Variants in PPP2R2A observed in about 807,000 individuals in gnomAD.
The protein encoded by PPP2R2A is serine/threonine-protein phosphatase 2A 55 kDa regulatory subunit B alpha isoform.
In PPP2R2A, 9 loss-of-function variants were observed where a neutral mutation model predicts 53.2. That is an observed-to-expected ratio of 0.17 (90% CI 0.10 to 0.30). PPP2R2A has a LOEUF of 0.30. Among genes scored for constraint, PPP2R2A ranks in the 10% least tolerant of loss-of-function variants. The pLI, the probability that PPP2R2A is intolerant of heterozygous loss-of-function variation, is 1.00. For missense variants in PPP2R2A, 235 were observed against 534.6 expected (o/e 0.44, Z 5.53); for synonymous variants, 169 against 174.2 (o/e 0.97, Z 0.23).
chr8:26,345,604 A>G (rs1261168285), intron 3 of PPP2R2A, among the ~76,000 whole-genome samples: 1 of 152,184 alleles, frequency 6.6e-6, no homozygotes, highest in African/African-American at 2.4e-5. Context: ...ATGACATGAC[A>G]TAATTATGTT....
chr8:26,312,680 A>T (rs968063221), intron 2 of PPP2R2A, among the ~76,000 whole-genome samples: 1 of 152,168 alleles, frequency 6.6e-6, no homozygotes, highest in Non-Finnish European at 1.5e-5. Context: ...TTGTATTTCA[A>T]TTTCAAGTTT....
chr8:26,310,597 G>C (rs1802242632), intron 2 of PPP2R2A, among the ~76,000 whole-genome samples: 1 of 150,686 alleles, frequency 6.6e-6, no homozygotes, highest in Non-Finnish European at 1.5e-5. Flanking sequence ...ATCCTTGTGA[G>C]AATCTTATTG....
chr8:26,303,443 T>C (rs189565782), intron 2 of PPP2R2A, among the ~76,000 whole-genome samples: 1 of 152,312 alleles, frequency 6.6e-6, no homozygotes, highest in Admixed American at 6.5e-5. Flanking sequence ...CATTGTGTTT[T>C]ATTTTGAGCC....
In PPP2R2A at chr8:26,360,365, A is replaced by C; in HGVS notation, c.459+84A>C. 1 of 729,044 alleles carries C rather than the reference A, an allele frequency of 1.4e-6. No individual in the cohort carries two copies. Among genetic ancestry groups the C allele is most frequent in the South Asian group, 2.0e-5 (1 of 49,002 alleles). The allele number at this position is 729,044 out of a possible 1,614,324, so 45.2% of individuals were successfully genotyped here. On this transcript the variant is annotated intron_variant, in intron 5 of 9. Transcript: ENST00000380737. This position sits in a 1 kb window ranked among gnomAD's most constrained non-coding sequence, Gnocchi z 4.5. ...AATCCTGAGCAGAGCTTGAATAGGA[A>C]TAATTACAGTCTATCTCCCCTTTCC...
chr8:26,335,514 G>A (rs1039200324), intron 2 of PPP2R2A, among the ~76,000 whole-genome samples: 1 of 152,158 alleles, frequency 6.6e-6, no homozygotes, highest in Non-Finnish European at 1.5e-5. Context: ...CCATGAATCT[G>A]TCCATCTACC....
At chr8:26,347,116 G>A (rs1288817240) in intron 3 of PPP2R2A, among the ~76,000 whole-genome samples, 1 of 151,898 alleles carries the variant, frequency 6.6e-6, no homozygotes, top group Non-Finnish European at 1.5e-5. Flanking sequence ...GTGATCCAGG[G>A]GATTGTTATA....
chr8:26,303,041 A>G (rs886373699), intron 2 of PPP2R2A, among the ~76,000 whole-genome samples: 1 of 152,218 alleles, frequency 6.6e-6, no homozygotes, highest in African/African-American at 2.4e-5. Flanking sequence ...ATGAACCACA[A>G]GGTAAGTGAT....
chr8:26,291,959 G>A (rs1021115067), intron 1 of PPP2R2A, 133 bp downstream of exon 1: 2 of 1,260,754 alleles, frequency 1.6e-6, no homozygotes, highest in African/African-American at 3.1e-5. Context: ...GTAGGGTCCA[G>A]AGGGGTGGGG....
In PPP2R2A at chr8:26,371,475, T is replaced by C. The variant is rs1805665724; in HGVS notation, c.*1062T>C. On this transcript the variant is annotated 3_prime_UTR_variant, in exon 10 of 10. Coordinates refer to ENST00000380737, the MANE Select transcript of PPP2R2A (RefSeq NM_002717.4). ...CAAATTTGTAGAACTTAATTTCTAC[T>C]TTTTAGAGTGCTTAATTTCATTTTT... The C allele has an allele frequency of 6.6e-6, 1 of 152,036 alleles. No homozygotes were observed. The highest frequency in any genetic ancestry group is 2.4e-5 in the African/African-American group (1 of 41,438). The allele number at this position is 152,036 out of a possible 1,614,324, so 9.4% of individuals were successfully genotyped here.
intron 3 of PPP2R2A, among the ~76,000 whole-genome samples, chr8:26,343,834 A>G (rs1804073486): frequency 6.6e-6 from 1 of 152,178 alleles, no homozygotes; most frequent in African/African-American, 2.4e-5. Flanking sequence ...AATTGCTAAT[A>G]CTATATGCAG....
intron 3 of PPP2R2A, among the ~76,000 whole-genome samples, chr8:26,345,767 T>G (rs773460951): frequency 1.1e-4 from 16 of 152,220 alleles, no homozygotes; most frequent in Non-Finnish European, 2.1e-4. Context: ...TGAAAATACA[T>G]TATTTCATTG....
At chr8:26,358,186 A>C (rs1404578848) in intron 4 of PPP2R2A, among the ~76,000 whole-genome samples, 1 of 152,090 alleles carries the variant, frequency 6.6e-6, no homozygotes, top group East Asian at 1.9e-4. Flanking sequence ...TAGGCACCAC[A>C]AACTAATTTT....
At chr8:26,345,382 G>A (rs975802137) in intron 3 of PPP2R2A, among the ~76,000 whole-genome samples, 4 of 151,840 alleles carry the variant, frequency 2.6e-5, no homozygotes, top group Admixed American at 6.6e-5. Flanking sequence ...CATTATGCTC[G>A]ATGTAGATAA....
intron 2 of PPP2R2A, among the ~76,000 whole-genome samples, chr8:26,307,058 A>C (rs764863288): frequency 3.9e-5 from 6 of 152,214 alleles, no homozygotes; most frequent in Admixed American, 6.5e-5. Flanking sequence ...TGAATTATTA[A>C]GCAAGGTCTA....
chr8:26,339,210 G>C, intron 3 of PPP2R2A, among the ~76,000 whole-genome samples: 1 of 152,112 alleles, frequency 6.6e-6, no homozygotes, highest in East Asian at 1.9e-4. Flanking sequence ...AACACTAATT[G>C]TAAAAATACT....
chr8:26,302,184 G>T (rs145613648), intron 2 of PPP2R2A, among the ~76,000 whole-genome samples: 61 of 152,248 alleles, frequency 4.0e-4, no homozygotes, highest in African/African-American at 1.5e-3. Flanking sequence ...TTCAGACTTG[G>T]ATATTTGGTG....
chr8:26,322,602 A>G (rs1177495295), intron 2 of PPP2R2A, among the ~76,000 whole-genome samples: 1 of 152,142 alleles, frequency 6.6e-6, no homozygotes, highest in Non-Finnish European at 1.5e-5. Context: ...AAAAAAAAAA[A>G]GACTTAACTA....
rs1585406299 is a variant in PPP2R2A at position 26,360,289 on chromosome 8, C to A, written c.459+8C>A. The stretch of plus-strand genomic sequence containing the variant: ...ACAGTTACTACACTACGAGTAAGTA[C>A]ATAAGAAAAAAATGTCACAGATAGT... On this transcript the variant is annotated splice_region_variant and intron_variant, in intron 5 of 9. Transcript: ENST00000380737. The surrounding 1 kb of genome is among the most constrained non-coding windows in gnomAD (Gnocchi z 4.5). 2 of 1,516,416 alleles carry A rather than the reference C, an allele frequency of 1.3e-6. No individual in the cohort carries two copies. The highest frequency in any genetic ancestry group is 1.8e-6 in the Non-Finnish European group (2 of 1,105,558). 93.9% of individuals were successfully genotyped at this position (1,516,416 alleles called of 1,614,324 possible).
intron 2 of PPP2R2A, among the ~76,000 whole-genome samples, chr8:26,319,821 T>C (rs1206023044): frequency 6.6e-6 from 1 of 152,224 alleles, no homozygotes; most frequent in Non-Finnish European, 1.5e-5. Context: ...TTTATTTATG[T>C]CTTTAATTTA....
Sources: allele counts gnomAD v4.1 joint callset (sites outside exome capture counted in the v4.1 genomes callset), GRCh38; gene constraint gnomAD v4.1.1; non-coding constraint Gnocchi (gnomAD v3.1); transcripts MANE v1.5; gene names NCBI Gene and HGNC (gene_info 2026-07-23, HGNC 2026-07-21).